Variants in VDAC1 observed in about 807,000 individuals in gnomAD.
VDAC1 encodes the protein voltage dependent anion channel 1, also known as non-selective voltage-gated ion channel VDAC1.
Under a neutral mutation model 34.7 loss-of-function variants are expected in VDAC1, and 10 were observed. That is an observed-to-expected ratio of 0.29 (90% CI 0.18 to 0.49). VDAC1 has a LOEUF of 0.49. Ranked by LOEUF, VDAC1 falls within the 20% of genes least tolerant of loss-of-function variation. The pLI is 0.99. For missense variants in VDAC1, 230 were observed against 347.9 expected (o/e 0.66, Z 2.69); for synonymous variants, 130 against 136.0 (o/e 0.96, Z 0.30).
the VDAC1 span, among the ~76,000 whole-genome samples, chr5:134,104,297 G>A: frequency 2.0e-5 from 3 of 152,230 alleles, no homozygotes; most frequent in Non-Finnish European, 4.4e-5. Flanking sequence ...CAAGAAGGGA[G>A]GTGACTTGCT....
the VDAC1 span, among the ~76,000 whole-genome samples, chr5:134,075,874 C>A: frequency 6.6e-6 from 1 of 152,150 alleles, no homozygotes; most frequent in African/African-American, 2.4e-5. Context: ...CGTGAGCCAC[C>A]GTGCCCGGCC....
chr5:134,065,789 ATT>A, the VDAC1 span, among the ~76,000 whole-genome samples: 4 of 99,846 alleles, frequency 4.0e-5, no homozygotes, highest in Non-Finnish European at 5.6e-5. Context: ...CAGATAGTAA[ATT>A]TTTTTTTTTT....
At chr5:134,027,856 C>T in the VDAC1 span, among the ~76,000 whole-genome samples, 1 of 149,694 alleles carries the variant, frequency 6.7e-6, no homozygotes. Flanking sequence ...CTGCAACCTC[C>T]GCCTCTCAGG....
intron 2 of VDAC1, among the ~76,000 whole-genome samples, chr5:133,992,682 A>G (rs1016193413): frequency 2.0e-5 from 3 of 152,278 alleles, no homozygotes; most frequent in African/African-American, 7.2e-5. Context: ...GCCGCGCTCC[A>G]CTGCAGCAGC....
the VDAC1 span, among the ~76,000 whole-genome samples, chr5:134,032,542 T>C: frequency 1.3e-5 from 2 of 152,216 alleles, no homozygotes; most frequent in African/African-American, 4.8e-5. Context: ...TGCTGAATAC[T>C]GGAAATTATC....
the VDAC1 span, among the ~76,000 whole-genome samples, chr5:134,032,124 C>CAAAAGAAAAAAAAAAAAAAA: frequency 2.8e-5 from 1 of 36,132 alleles, no homozygotes; most frequent in African/African-American, 1.2e-4. Context: ...CTCTGCCTCA[C>CAAAAGAAAAAAAAAAAAAAA]AAAAAAAAAA....
chr5:133,981,698 A>G (rs76446312), intron 5 of VDAC1, among the ~76,000 whole-genome samples: 94 of 152,336 alleles, frequency 6.2e-4, no homozygotes, highest in African/African-American at 2.1e-3. Flanking sequence ...GCAGGTGAAT[A>G]GTGTCACCTG....
At chr5:134,067,624 AAGG>A in the VDAC1 span, among the ~76,000 whole-genome samples, 5 of 96,762 alleles carry the variant, frequency 5.2e-5, no homozygotes, top group African/African-American at 1.3e-4. Context: ...AAAAAAGAAG[AAGG>A]AGGAGGAGAA....
At chr5:134,053,337 C>A in the VDAC1 span, among the ~76,000 whole-genome samples, 1 of 152,196 alleles carries the variant, frequency 6.6e-6, no homozygotes, top group Admixed American at 6.5e-5. Flanking sequence ...GAAAAGCCCT[C>A]CATTCTACAA....
chr5:134,007,822 C>G (rs532116485), upstream of VDAC1, among the ~76,000 whole-genome samples: 3 of 152,276 alleles, frequency 2.0e-5, no homozygotes, highest in Middle Eastern at 3.4e-3. Context: ...CTTGAGTGCC[C>G]CCCTGTTCTT....
At chr5:134,036,673 G>A in the VDAC1 span, among the ~76,000 whole-genome samples, 1 of 148,778 alleles carries the variant, frequency 6.7e-6, no homozygotes, top group Non-Finnish European at 1.5e-5. Context: ...AAAAAAAAAG[G>A]CCGGGTGTGG....
chr5:134,089,634 A>T, the VDAC1 span, among the ~76,000 whole-genome samples: 1 of 151,836 alleles, frequency 6.6e-6, no homozygotes, highest in Non-Finnish European at 1.5e-5. Flanking sequence ...TAGCCAGTTC[A>T]CCTCTCCCAG....
At chr5:134,024,528 C>CAAA in the VDAC1 span, among the ~76,000 whole-genome samples, 2 of 66,294 alleles carry the variant, frequency 3.0e-5, no homozygotes, top group Admixed American at 3.7e-4. Flanking sequence ...GACCCTGTCT[C>CAAA]AAAAAAAAAA....
chr5:133,975,931 G>A lies in VDAC1; in HGVS notation c.642C>T (p.Asn214=). 6.2e-7 allele frequency: 1 copy of A among 1,613,240 alleles called. No homozygotes were observed. Among genetic ancestry groups the A allele is most frequent in the Non-Finnish European group, 8.5e-7 (1 of 1,179,946 alleles). Residue 214 remains asparagine (N), a synonymous_variant, in exon 7 of 9, where the codon AAC becomes AAT. Transcript: ENST00000265333. ...CTGCTATTCCGAAGCGCGTGTTACT[G>A]TTTCCTGCTGTCCAGGCAAGATTGA... ...TAVNLAWTAG[N]SNTRFGIAAK...
At chr5:134,044,051 C>A in the VDAC1 span, among the ~76,000 whole-genome samples, 2 of 152,154 alleles carry the variant, frequency 1.3e-5, no homozygotes, top group Non-Finnish European at 2.9e-5. Context: ...GCACAGACTG[C>A]GACTCAAACC....
the VDAC1 span, among the ~76,000 whole-genome samples, chr5:134,039,607 G>A: frequency 2.6e-5 from 4 of 152,204 alleles, no homozygotes; most frequent in Admixed American, 6.5e-5. Context: ...GGGATTACAG[G>A]CGTGAGCCAC....
chr5:134,076,685 C>A, the VDAC1 span, among the ~76,000 whole-genome samples: 1 of 152,116 alleles, frequency 6.6e-6, no homozygotes, highest in Admixed American at 6.6e-5. Flanking sequence ...ACACGGCCCT[C>A]CTCCCAGTGG....
At chr5:134,050,779 G>A in the VDAC1 span, among the ~76,000 whole-genome samples, 2 of 152,190 alleles carry the variant, frequency 1.3e-5, no homozygotes, top group African/African-American at 4.8e-5. Context: ...GGTGTCACTG[G>A]GCATATCTGT....
At chr5:134,014,091 A>T in the VDAC1 span, among the ~76,000 whole-genome samples, 2 of 151,860 alleles carry the variant, frequency 1.3e-5, no homozygotes, top group African/African-American at 4.8e-5. Flanking sequence ...GGAGTTTGAG[A>T]CAACCTGGCC....
Sources: gnomAD v4.1 joint callset for allele counts (sites outside exome capture counted in the v4.1 genomes callset) on GRCh38, gnomAD v4.1.1 for gene constraint, MANE v1.5 for transcripts, NCBI Gene and HGNC (gene_info 2026-07-23, HGNC 2026-07-21) for gene names.